NPFFR2: variants seen among roughly 807,000 people sequenced by gnomAD.
The protein encoded by NPFFR2 is G-protein coupled receptor 74.
A neutral mutation model predicts 13.1 loss-of-function variants in NPFFR2; 15 were observed. The observed-to-expected ratio is 1.15, with a 90% CI of 0.77 to 1.76. The LOEUF (loss-of-function observed/expected upper bound fraction) is 1.76, where lower values mean the gene tolerates loss of function less well. NPFFR2 is among the 40% of genes most tolerant of loss of function. NPFFR2 has a pLI of 0.00. For missense variants in NPFFR2, 572 were observed against 503.5 expected, an observed-to-expected ratio of 1.14 and a Z score of -1.30; for synonymous variants, 190 against 175.7, an observed-to-expected ratio of 1.08 and a Z score of -0.65.
chr4:72,127,253 G>A (rs28448856), intron 1 of NPFFR2, among the ~76,000 whole-genome samples: 109,493 of 109,566 alleles, frequency 1, 54,710 homozygotes, highest in Non-Finnish European at 1. Flanking sequence ...GCAGTGAGCC[G>A]AGATCGCGCC....
chr4:72,124,416 C>CA (rs1721975862), intron 1 of NPFFR2, among the ~76,000 whole-genome samples: 1 of 151,930 alleles, frequency 6.6e-6, no homozygotes, highest in Non-Finnish European at 1.5e-5. Flanking sequence ...CATATGGAAC[C>CA]AAAAAAGAGC....
intron 1 of NPFFR2, among the ~76,000 whole-genome samples, chr4:72,076,448 A>G (rs1465557063): frequency 6.6e-6 from 1 of 152,112 alleles, no homozygotes; most frequent in Admixed American, 6.6e-5. Context: ...CATTTCCCTA[A>G]TAAGCATGTA....
chr4:72,080,016 C>T (rs752741267), intron 1 of NPFFR2, among the ~76,000 whole-genome samples: 1 of 152,148 alleles, frequency 6.6e-6, no homozygotes, highest in Non-Finnish European at 1.5e-5. Flanking sequence ...CACACTCTAG[C>T]TCTTTGATAT....
intron 1 of NPFFR2, among the ~76,000 whole-genome samples, chr4:72,034,858 C>A (rs4694115): frequency 0.96 from 146,461 of 152,270 alleles, 70,711 homozygotes; most frequent in East Asian, 1. Context: ...TGCAATGGTC[C>A]CTATAGCAGA....
At chr4:72,100,461 T>C (rs1278703658) in intron 1 of NPFFR2, among the ~76,000 whole-genome samples, 2 of 152,176 alleles carry the variant, frequency 1.3e-5, no homozygotes, top group South Asian at 4.1e-4. Context: ...GATAATTAGA[T>C]GAAAGAAGAA....
chr4:72,134,081 A>G (rs896526814), intron 2 of NPFFR2, among the ~76,000 whole-genome samples: 2 of 152,136 alleles, frequency 1.3e-5, no homozygotes, highest in Non-Finnish European at 2.9e-5. Flanking sequence ...CCTGGCCAAC[A>G]TGGTGAAACC....
chr4:72,033,087 G>C (rs567312151), intron 1 of NPFFR2, among the ~76,000 whole-genome samples: 1 of 152,004 alleles, frequency 6.6e-6, no homozygotes, highest in African/African-American at 2.4e-5. Context: ...ACTTTCAAGT[G>C]GGAACTACTA....
At chr4:72,094,483 G>A (rs1183871897) in intron 1 of NPFFR2, among the ~76,000 whole-genome samples, 1 of 152,148 alleles carries the variant, frequency 6.6e-6, no homozygotes, top group Non-Finnish European at 1.5e-5. Context: ...GGAGGGCAGG[G>A]TTAGGAGCTC....
chr4:72,139,919 C>G (rs1204988274), intron 3 of NPFFR2, among the ~76,000 whole-genome samples: 1 of 152,004 alleles, frequency 6.6e-6, no homozygotes, highest in Non-Finnish European at 1.5e-5. Flanking sequence ...TGTTTGTGTC[C>G]TCTTTTATTT....
intron 1 of NPFFR2, among the ~76,000 whole-genome samples, chr4:72,061,922 C>A (rs373513619): frequency 6.6e-6 from 1 of 152,160 alleles, no homozygotes; most frequent in Non-Finnish European, 1.5e-5. Context: ...ACATGTTCTG[C>A]ACATGTATCC....
intron 1 of NPFFR2, among the ~76,000 whole-genome samples, chr4:72,100,783 T>C (rs1721220004): frequency 6.6e-6 from 1 of 152,060 alleles, no homozygotes; most frequent in Admixed American, 6.6e-5. Context: ...AACATAATAA[T>C]TGAACACATC....
chr4:72,136,382 CCAAAA>C (rs574140276), intron 2 of NPFFR2, among the ~76,000 whole-genome samples: 1 of 151,926 alleles, frequency 6.6e-6, no homozygotes, highest in Admixed American at 6.6e-5. Context: ...AACAAACAAA[CCAAAA>C]CAAAACAAAA....
At chr4:72,044,529 C>T (rs1043157605) in intron 1 of NPFFR2, among the ~76,000 whole-genome samples, 5 of 151,752 alleles carry the variant, frequency 3.3e-5, no homozygotes, top group African/African-American at 1.2e-4. Context: ...AACAGTGTTC[C>T]CTTTTATCCA....
chr4:72,077,000 A>G lies in NPFFR2; in HGVS notation c.-8+44800A>G, dbSNP rs79421253. 1.1e-3 allele frequency among the ~76,000 whole-genome samples: 164 copies of G among 152,304 alleles called. 3 individuals carry two copies. The East Asian group carries it at 0.031, about 28-fold the overall frequency. ...TTTTCTAAAAAGTAGTAAATCATCT[A>G]AATTAATTTTATCTTATTCTTATTT... On this transcript the variant is annotated intron_variant, in intron 1 of 3. Transcript: ENST00000308744.
intron 3 of NPFFR2, 74 bp from the exon 4 acceptor site, chr4:72,146,904 A>G (rs762174064): frequency 1.1e-5 from 11 of 1,001,398 alleles, no homozygotes; most frequent in Non-Finnish European, 1.7e-5. Context: ...CTGTAACTAC[A>G]TAAATAAATT....
At chr4:72,044,971 A>G (rs1262876427) in intron 1 of NPFFR2, among the ~76,000 whole-genome samples, 3 of 152,184 alleles carry the variant, frequency 2.0e-5, no homozygotes, top group Admixed American at 6.5e-5. Context: ...CTCTGCCTAG[A>G]CAAATATTCT....
chr4:72,100,222 A>G (rs1185367443), intron 1 of NPFFR2, among the ~76,000 whole-genome samples: 28 of 152,156 alleles, frequency 1.8e-4, no homozygotes. Flanking sequence ...TCCATATTTT[A>G]CAAATGAAGA....
chr4:72,127,584 C>G (rs1386929495), intron 1 of NPFFR2, among the ~76,000 whole-genome samples: 2 of 148,552 alleles, frequency 1.3e-5, no homozygotes, highest in Non-Finnish European at 3.0e-5. Flanking sequence ...AGGATGGTCT[C>G]GATCTCCTGA....
intron 3 of NPFFR2, among the ~76,000 whole-genome samples, chr4:72,143,095 G>T (rs1000148932): frequency 5.9e-5 from 9 of 152,170 alleles, no homozygotes; most frequent in Non-Finnish European, 1.3e-4. Flanking sequence ...TGGGAAAAGG[G>T]CATCCCTTAA....
Sources: allele counts gnomAD v4.1 joint callset (sites outside exome capture counted in the v4.1 genomes callset), GRCh38; gene constraint gnomAD v4.1.1; transcripts MANE v1.5; gene names NCBI Gene and HGNC (gene_info 2026-07-23, HGNC 2026-07-21).